The following FRMPD2 variants were observed in gnomAD, a reference collection of about 807,000 sequenced individuals.
FRMPD2 encodes the protein FERM and PDZ domain containing 2, also known as FERM and PDZ domain-containing protein 2.
FRMPD2 carries 96 observed loss-of-function variants against 140.1 expected under a neutral mutation model. The ratio of observed to expected loss-of-function variants is 0.69; its 90% CI spans 0.58 to 0.81. FRMPD2 has a LOEUF of 0.81. Ranked by LOEUF, FRMPD2 falls within the 40% of genes least tolerant of loss-of-function variation. FRMPD2 has a pLI of 0.00. For missense variants in FRMPD2, 1,240 were observed against 1,447.4 expected, an observed-to-expected ratio of 0.86 and a Z score of 2.32; for synonymous variants, 449 against 547.6, an observed-to-expected ratio of 0.82 and a Z score of 2.52.
intron 12 of FRMPD2, 46 bp downstream of exon 12, chr10:48,222,267 G>GT: frequency 6.3e-7 from 1 of 1,594,460 alleles, no homozygotes; most frequent in Non-Finnish European, 8.5e-7. Flanking sequence ...TCCTGTAACT[G>GT]TTTTTCCAGT....
chr10:48,236,845 T>C (rs1347465858), intron 8 of FRMPD2, among the ~76,000 whole-genome samples: 2 of 152,196 alleles, frequency 1.3e-5, no homozygotes, highest in African/African-American at 4.8e-5. Context: ...ACTCCATCTT[T>C]TGTATGTATC....
At chr10:48,193,590 T>C (rs1444688949) in intron 15 of FRMPD2, among the ~76,000 whole-genome samples, 1 of 152,164 alleles carries the variant, frequency 6.6e-6, no homozygotes, top group East Asian at 1.9e-4. Flanking sequence ...ATTTGAAAAA[T>C]AGAGCTTTTA....
intron 1 of FRMPD2, among the ~76,000 whole-genome samples, chr10:48,259,676 A>AT (rs572368745): frequency 1.3e-4 from 19 of 149,078 alleles, no homozygotes; most frequent in South Asian, 8.5e-4. Context: ...ACACATACAC[A>AT]TTTTTTTTTT....
intron 1 of FRMPD2, among the ~76,000 whole-genome samples, chr10:48,261,656 T>A (rs990321555): frequency 6.6e-6 from 1 of 152,148 alleles, no homozygotes; most frequent in African/African-American, 2.4e-5. Flanking sequence ...ATTTTAAAAG[T>A]TCTTCAGAGA....
chr10:48,177,998 A>G (rs1372373180), intron 22 of FRMPD2, 49 bp downstream of exon 22: 2 of 851,326 alleles, frequency 2.3e-6, no homozygotes, highest in Non-Finnish European at 2.0e-6. Context: ...ACCAGGTTCT[A>G]GACGGACATC....
Position 48,184,769 on chromosome 10 carries a change from T to A in FRMPD2, c.2467+5A>T. 1.2e-6 allele frequency: 2 copies of A among 1,608,200 alleles called. No individual in the cohort carries two copies. On this transcript the variant is annotated splice_donor_5th_base_variant and intron_variant, in intron 19 of 28. Transcript: ENST00000374201. ...CAGCATCTCTAGTAATTTAAAAAGA[T>A]GTACCTGGTTTGATCGTTTTTGCTT...
intron 4 of FRMPD2, among the ~76,000 whole-genome samples, chr10:48,244,215 G>C (rs1450202141): frequency 6.6e-6 from 1 of 152,160 alleles, no homozygotes; most frequent in Non-Finnish European, 1.5e-5. Flanking sequence ...GAACTCCTGA[G>C]CTCAAGTGGT....
chr10:48,226,738 C>G (rs970951340), intron 10 of FRMPD2, among the ~76,000 whole-genome samples: 2 of 152,198 alleles, frequency 1.3e-5, no homozygotes, highest in African/African-American at 4.8e-5. Context: ...AATTTAGTCC[C>G]ATTTTCACAA....
chr10:48,242,102 AT>A, intron 5 of FRMPD2, 58 bp downstream of exon 5: 1 of 1,242,162 alleles, frequency 8.1e-7, no homozygotes, highest in South Asian at 1.7e-5. Context: ...ACTAATTCAA[AT>A]TTTAATAGCC....
chr10:48,192,843 C>T lies in FRMPD2; in HGVS notation c.2006G>A (p.Arg669Gln), dbSNP rs370193041. 1.9e-5 allele frequency: 30 copies of T among 1,614,050 alleles called. No individual in the cohort carries two copies. Among genetic ancestry groups the T allele is most frequent in the African/African-American group, 8.0e-5 (6 of 75,016 alleles). ...CTGAATCCAAATGAGAGGCTTAGAC[C>T]GGGCCTGGTGTGCAGGACTCAAATT... ...MANLSPAHQARSKPLIWIQRL... is the reference protein window; with the variant it reads ...MANLSPAHQAQSKPLIWIQRL... Residue 669 changes from arginine (R) to glutamine (Q), a missense_variant, in exon 16 of 29, where the codon CGG becomes CAG. Transcript: ENST00000374201.
In FRMPD2 at chr10:48,174,925, A is replaced by G; in HGVS notation, c.3020T>C (p.Ile1007Thr). The change falls in exon 24 of 29, where the codon ATT becomes ACT. Residue 1007 changes from isoleucine (I) to threonine (T), a missense_variant. Physicochemically the swap from Ile to Thr is moderately conservative, Grantham distance 89. Around this residue, in one of 6 missense-constraint regions of FRMPD2, gnomAD observed 22 missense variants for 35.3 expected, o/e 0.62. Transcript: ENST00000374201. ...CTGCTTGTGGGTGAGGCCGCACAGA[A>G]TCACTCCATCCACCTGCAGGAGTCG... ...GDRLLQVDGV[I>T]LCGLTHKQAV... The G allele has an allele frequency of 2.9e-6, 2 of 684,440 alleles. No homozygotes were observed. Among genetic ancestry groups the G allele is most frequent in the Non-Finnish European group, 5.3e-6 (2 of 379,446 alleles). 42.4% of individuals were successfully genotyped at this position (684,440 alleles called of 1,614,324 possible).
chr10:48,190,747 C>T (rs1215433262), intron 16 of FRMPD2, among the ~76,000 whole-genome samples: 3 of 152,222 alleles, frequency 2.0e-5, no homozygotes, highest in Middle Eastern at 3.4e-3. Flanking sequence ...AGAGTTATAC[C>T]GAATATTACG....
At chr10:48,227,145 G>T (rs945604795) in intron 10 of FRMPD2, among the ~76,000 whole-genome samples, 1 of 152,166 alleles carries the variant, frequency 6.6e-6, no homozygotes, top group African/African-American at 2.4e-5. Context: ...ATTTGAATTG[G>T]CAGGAGAAAA....
chr10:48,217,749 G>T (rs1302719904), intron 12 of FRMPD2, among the ~76,000 whole-genome samples: 1 of 152,144 alleles, frequency 6.6e-6, no homozygotes, highest in African/African-American at 2.4e-5. Flanking sequence ...TAACTGTTGG[G>T]CTTGTCCTTG....
chr10:48,227,739 G>C (rs1839756602), intron 10 of FRMPD2, among the ~76,000 whole-genome samples: 1 of 152,158 alleles, frequency 6.6e-6, no homozygotes. Context: ...GTACATGCGA[G>C]AAGATTTGGC....
Position 48,245,976 on chromosome 10 carries a change from T to G in FRMPD2, c.310-1127A>C, listed in dbSNP as rs186606536. ...TTCACATCTCAAGGTCAAGATGTGT[T>G]CAATGTCACCTGTGACAACTCATTA... On this transcript the variant is annotated intron_variant, in intron 3 of 28. Coordinates refer to ENST00000374201, the MANE Select transcript of FRMPD2 (RefSeq NM_001018071.4). 4.6e-4 allele frequency among the ~76,000 whole-genome samples: 70 copies of G among 152,322 alleles called. 2 individuals are homozygous for G. The East Asian group carries it at 0.013, about 28-fold the overall frequency.
intron 1 of FRMPD2, among the ~76,000 whole-genome samples, chr10:48,271,884 C>T (rs1320295947): frequency 1.3e-5 from 2 of 152,308 alleles, no homozygotes; most frequent in South Asian, 2.1e-4. Flanking sequence ...TCTCTTTACT[C>T]GTTTATACCA....
At chr10:48,219,970 C>G (rs957175245) in intron 12 of FRMPD2, among the ~76,000 whole-genome samples, 4 of 152,272 alleles carry the variant, frequency 2.6e-5, no homozygotes, top group Middle Eastern at 3.4e-3. Context: ...CTTCAGATCA[C>G]TCTTCTAGAA....
At chr10:48,233,283 C>T (rs986303595) in intron 9 of FRMPD2, among the ~76,000 whole-genome samples, 1 of 152,168 alleles carries the variant, frequency 6.6e-6, no homozygotes, top group East Asian at 1.9e-4. Flanking sequence ...TCACACATGC[C>T]GCTGGGCAGG....
Sources: gnomAD v4.1 joint callset for allele counts (sites outside exome capture counted in the v4.1 genomes callset) on GRCh38, gnomAD v4.1.1 for gene constraint, gnomAD v4.1.1 regional missense constraint, MANE v1.5 for transcripts, NCBI Gene and HGNC (gene_info 2026-07-23, HGNC 2026-07-21) for gene names.